TAMM41: variants seen among roughly 807,000 people sequenced by gnomAD.
TAMM41 encodes the protein phosphatidate cytidylyltransferase, mitochondrial.
In TAMM41, 36 loss-of-function variants were observed where a neutral mutation model predicts 44.1. That is an observed-to-expected ratio of 0.82 (90% CI 0.63 to 1.08). TAMM41 has a LOEUF of 1.08. Ranked by LOEUF, TAMM41 falls within the 50% of genes least tolerant of loss-of-function variation. The pLI is 0.00. For missense variants in TAMM41, 417 were observed against 404.3 expected (o/e 1.03, Z -0.27); for synonymous variants, 164 against 153.1 (o/e 1.07, Z -0.53).
chr3:11,806,882 T>C (rs911580132), intron 7 of TAMM41, among the ~76,000 whole-genome samples: 5 of 152,084 alleles, frequency 3.3e-5, no homozygotes, highest in African/African-American at 4.8e-5. Context: ...AAGAATCAGA[T>C]TGGCTTTAGA....
chr3:11,799,702 C>A (rs2124930454), intron 7 of TAMM41, among the ~76,000 whole-genome samples: 1 of 152,324 alleles, frequency 6.6e-6, no homozygotes, highest in Admixed American at 6.5e-5. Context: ...CTTCCCAAGT[C>A]TAGCAAGTGT....
downstream of TAMM41, chr3:11,790,318 T>G: frequency 4.8e-6 from 3 of 620,074 alleles, no homozygotes; most frequent in African/African-American, 1.8e-5. Context: ...CTTCTGATGC[T>G]AAGCCCTCTA....
chr3:11,736,974 A>G, the TAMM41 span, among the ~76,000 whole-genome samples: 1 of 152,170 alleles, frequency 6.6e-6, no homozygotes, highest in African/African-American at 2.4e-5. Context: ...GGCAACATCA[A>G]GAGTCCAGGA....
chr3:11,723,369 C>G, the TAMM41 span, among the ~76,000 whole-genome samples: 2 of 152,006 alleles, frequency 1.3e-5, no homozygotes, highest in Non-Finnish European at 2.9e-5. Context: ...TGCTTTAGCT[C>G]AGGAGTTTGA....
At chr3:11,782,997 T>A in the TAMM41 span, among the ~76,000 whole-genome samples, 8 of 152,164 alleles carry the variant, frequency 5.3e-5, no homozygotes, top group Non-Finnish European at 1.2e-4. Flanking sequence ...GGAGTAAGGA[T>A]CCATGATTCA....
At chr3:11,755,277 C>T in the TAMM41 span, among the ~76,000 whole-genome samples, 74 of 151,070 alleles carry the variant, frequency 4.9e-4, 1 homozygote, top group African/African-American at 1.7e-3. Flanking sequence ...AAGTCTGTGA[C>T]GTGTAGATGT....
chr3:11,839,517 A>C (rs1006229508), intron 2 of TAMM41, among the ~76,000 whole-genome samples: 1 of 152,146 alleles, frequency 6.6e-6, no homozygotes. Context: ...TTTAGCCCCT[A>C]GGGTATGTAA....
At chr3:11,739,974 A>C in the TAMM41 span, among the ~76,000 whole-genome samples, 1 of 152,206 alleles carries the variant, frequency 6.6e-6, no homozygotes, top group African/African-American at 2.4e-5. Context: ...GAAGGAAGGA[A>C]AGAATGAATC....
At chr3:11,747,584 T>G in the TAMM41 span, among the ~76,000 whole-genome samples, 1 of 151,680 alleles carries the variant, frequency 6.6e-6, no homozygotes, top group Non-Finnish European at 1.5e-5. Context: ...CTGGGCAATA[T>G]AGCGAGACTC....
chr3:11,846,573 C>A lies in TAMM41; in HGVS notation c.64G>T (p.Glu22Ter). 6.2e-7 allele frequency: 1 copy of A among 1,614,222 alleles called. No homozygotes were observed. The highest frequency in any genetic ancestry group is 8.5e-7 in the Non-Finnish European group (1 of 1,180,046). ...TFRKILSHFP[E>*]ELSLAFVYGS... is the part of the protein sequence containing the mutation. Reference sequence around the variant, plus strand: ...TAGACGAAAGCCAGACTCAGCTCCTCGGGGAAGTGAGACAGGATCTTGCGG... The same window carrying A: ...TAGACGAAAGCCAGACTCAGCTCCTAGGGGAAGTGAGACAGGATCTTGCGG... The change falls in exon 1 of 8, where the codon GAG (glutamate) becomes TAG (stop). Residue 22 changes from glutamate (E) to a stop codon, truncating the protein, a stop_gained. Transcript: ENST00000455809. LOFTEE classifies it high-confidence loss of function.
the TAMM41 span, among the ~76,000 whole-genome samples, chr3:11,755,580 T>C: frequency 6.6e-6 from 1 of 152,086 alleles, no homozygotes; most frequent in Non-Finnish European, 1.5e-5. Context: ...ACATTCTGTG[T>C]ATTGTCGGGC....
intron 5 of TAMM41, among the ~76,000 whole-genome samples, chr3:11,812,324 C>T (rs7638022): frequency 0.12 from 18,885 of 152,184 alleles, 2,542 homozygotes; most frequent in East Asian, 0.48. Context: ...AAGGGTAAGG[C>T]AGATAATTTT....
downstream of TAMM41, among the ~76,000 whole-genome samples, chr3:11,787,087 C>T (rs9857955): frequency 0.014 from 2,142 of 152,272 alleles, 63 homozygotes; most frequent in African/African-American, 0.049. Flanking sequence ...AGAACACCTC[C>T]ATGTGGCCTC....
chr3:11,721,979 AATG>A, the TAMM41 span: 3 of 152,254 alleles, frequency 2.0e-5, no homozygotes, highest in African/African-American at 7.2e-5. Flanking sequence ...GCAAATGAAT[AATG>A]ATAACAATAA....
intron 2 of TAMM41, among the ~76,000 whole-genome samples, chr3:11,841,790 T>C (rs1165193699): frequency 1.3e-5 from 2 of 152,164 alleles, no homozygotes; most frequent in Non-Finnish European, 2.9e-5. Flanking sequence ...AAGTAACCAC[T>C]GGGAGGTAAC....
the TAMM41 span, among the ~76,000 whole-genome samples, chr3:11,765,898 C>T: frequency 2.0e-5 from 3 of 151,974 alleles, no homozygotes; most frequent in South Asian, 4.1e-4. Context: ...GACTGGGTTT[C>T]GCCATGTTAG....
At chr3:11,809,990 G>A (rs1365699355) in intron 5 of TAMM41, 1 of 235,584 alleles carries the variant, frequency 4.2e-6, no homozygotes, top group Non-Finnish European at 8.1e-6. Context: ...CTTAAATCCA[G>A]CAGTCAAAGG....
chr3:11,776,313 C>T, the TAMM41 span, among the ~76,000 whole-genome samples: 271 of 137,550 alleles, frequency 2.0e-3, no homozygotes, highest in African/African-American at 6.3e-3. Flanking sequence ...CCACCGCGCC[C>T]GGCCATTTAA....
chr3:11,758,728 C>T, the TAMM41 span, among the ~76,000 whole-genome samples: 1 of 151,964 alleles, frequency 6.6e-6, no homozygotes, highest in Non-Finnish European at 1.5e-5. Context: ...GGCTAGAGTG[C>T]AGTGGTACTA....
Sources: allele counts gnomAD v4.1 joint callset (sites outside exome capture counted in the v4.1 genomes callset), GRCh38; gene constraint gnomAD v4.1.1; transcripts MANE v1.5; gene names NCBI Gene and HGNC (gene_info 2026-07-23, HGNC 2026-07-21).